RALYL: variants seen among roughly 807,000 people sequenced by gnomAD.
RALYL encodes RALY RNA binding protein like, also known as RNA-binding Raly-like protein.
In RALYL, 29 loss-of-function variants were observed where a neutral mutation model predicts 35.1. That is an observed-to-expected ratio of 0.83 (90% CI 0.61 to 1.13). The LOEUF is 1.13. RALYL is among the 50% of genes most tolerant of loss of function. The pLI, the probability that RALYL is intolerant of heterozygous loss-of-function variation, is 0.00. For synonymous variants in RALYL, 120 were observed against 127.6 expected, an observed-to-expected ratio of 0.94 and a Z score of 0.40; for missense variants, 359 against 360.4, an observed-to-expected ratio of 1.00 and a Z score of 0.03.
intron 1 of RALYL, among the ~76,000 whole-genome samples, chr8:84,364,097 A>G (rs561495812): frequency 1.3e-5 from 2 of 152,288 alleles, no homozygotes; most frequent in Admixed American, 1.3e-4. Flanking sequence ...GGCCAGACAT[A>G]AACCACAAAT....
chr8:84,216,556 G>A (rs543041915), intron 1 of RALYL, among the ~76,000 whole-genome samples: 23 of 152,068 alleles, frequency 1.5e-4, no homozygotes, highest in East Asian at 3.9e-4. Flanking sequence ...TTTTGTGTGC[G>A]TGTGGCAAGA....
intron 1 of RALYL, among the ~76,000 whole-genome samples, chr8:84,286,675 A>G (rs917876968): frequency 2.6e-5 from 4 of 152,208 alleles, no homozygotes; most frequent in Non-Finnish European, 4.4e-5. Flanking sequence ...ATGATCTAGA[A>G]AGGTGGGACA....
At chr8:84,705,223 C>T (rs150520916) in intron 2 of RALYL, among the ~76,000 whole-genome samples, 1 of 152,248 alleles carries the variant, frequency 6.6e-6, no homozygotes, top group East Asian at 1.9e-4. Flanking sequence ...ACTTGAGTGA[C>T]AGTGTGAAAC....
At chr8:84,767,264 G>C (rs1474551542) in intron 2 of RALYL, among the ~76,000 whole-genome samples, 3 of 152,084 alleles carry the variant, frequency 2.0e-5, no homozygotes, top group African/African-American at 7.2e-5. Context: ...ACTTTTTTCA[G>C]TTCCATAAGT....
intron 1 of RALYL, among the ~76,000 whole-genome samples, chr8:84,348,138 T>G (rs1316014832): frequency 6.6e-6 from 1 of 152,096 alleles, no homozygotes; most frequent in African/African-American, 2.4e-5. Context: ...AATATACTAT[T>G]AAGTTAGATT....
chr8:84,599,181 G>T (rs1336817295), intron 2 of RALYL, among the ~76,000 whole-genome samples: 2 of 152,026 alleles, frequency 1.3e-5, no homozygotes, highest in East Asian at 3.9e-4. Context: ...AAACAACTCT[G>T]CTTGCCATTC....
chr8:84,389,771 C>A (rs1000538090), intron 1 of RALYL, among the ~76,000 whole-genome samples: 1 of 149,928 alleles, frequency 6.7e-6, no homozygotes. Context: ...TCTAGATATA[C>A]AATCATGTCG....
chr8:84,500,775 T>C (rs1431732091), intron 1 of RALYL, among the ~76,000 whole-genome samples: 2 of 152,190 alleles, frequency 1.3e-5, no homozygotes. Flanking sequence ...CTGGGTGTTC[T>C]GGCAGGGTGG....
chr8:84,294,448 T>C (rs73304885), intron 1 of RALYL, among the ~76,000 whole-genome samples: 7,201 of 152,232 alleles, frequency 0.047, 266 homozygotes, highest in African/African-American at 0.083. Flanking sequence ...TAGTAGTATC[T>C]AAAACTCAGC....
intron 1 of RALYL, among the ~76,000 whole-genome samples, chr8:84,404,965 T>TA (rs1257636047): frequency 6.6e-6 from 1 of 152,114 alleles, no homozygotes; most frequent in African/African-American, 2.4e-5. Flanking sequence ...TAATTGGAAA[T>TA]AAAACATTCT....
chr8:84,188,860 C>G, intron 1 of RALYL, among the ~76,000 whole-genome samples: 1 of 151,966 alleles, frequency 6.6e-6, no homozygotes, highest in East Asian at 1.9e-4. Flanking sequence ...AAATATCAAA[C>G]TTACCTTGTG....
chr8:84,625,108 G>A (rs1822442045), intron 2 of RALYL, among the ~76,000 whole-genome samples: 1 of 152,114 alleles, frequency 6.6e-6, no homozygotes, highest in Admixed American at 6.6e-5. Flanking sequence ...GTAAAATTAT[G>A]TTGAAAAGAA....
chr8:84,684,422 G>A (rs972337811), intron 2 of RALYL, among the ~76,000 whole-genome samples: 1 of 152,148 alleles, frequency 6.6e-6, no homozygotes, highest in African/African-American at 2.4e-5. Context: ...AGGAGACTCA[G>A]TGGGAATTAT....
rs550055237 is a variant in RALYL, at chr8:84,399,313, T to A, written c.-23-129986T>A. Among the ~76,000 whole-genome samples the A allele has an allele frequency of 5.3e-5, 8 of 152,362 alleles. No individual in the cohort carries two copies. In the South Asian group the frequency reaches 1.7e-3, roughly 32 times the overall value. ...ATAGTTTCTGTTAGTGCCCCCATTT[T>A]ATAGCTAGACAGTTACATGGAGAGC... is the stretch of plus-strand genomic sequence containing the variant. On this transcript the variant is annotated intron_variant, in intron 1 of 8. Transcript: ENST00000521268.
rs572557133 is a variant in RALYL at position 84,920,231 on chromosome 8, G to A, written c.859-663G>A. ...ATTTTTTATCTAAATATAAAGACCT[G>A]GAACTTGATAGGATTCTAAGATAAA... On this transcript the variant is annotated intron_variant, in intron 8 of 8. Transcript: ENST00000521268. Among the ~76,000 whole-genome samples the A allele has an allele frequency of 5.9e-5, 9 of 152,082 alleles. No homozygotes were observed. The East Asian group carries it at 1.5e-3, about 26-fold the overall frequency.
chr8:84,338,734 C>G (rs1353108601), intron 1 of RALYL, among the ~76,000 whole-genome samples: 2 of 151,996 alleles, frequency 1.3e-5, no homozygotes, highest in Admixed American at 1.3e-4. Flanking sequence ...AGTTCTGATA[C>G]TAACACATTG....
At chr8:84,617,923 T>G (rs1820219277) in intron 2 of RALYL, among the ~76,000 whole-genome samples, 1 of 151,816 alleles carries the variant, frequency 6.6e-6, no homozygotes, top group Non-Finnish European at 1.5e-5. Flanking sequence ...TGAACCAGCC[T>G]TGCATCCCAG....
At chr8:84,650,435 A>G (rs188284184) in intron 2 of RALYL, among the ~76,000 whole-genome samples, 1 of 152,132 alleles carries the variant, frequency 6.6e-6, no homozygotes, top group Non-Finnish European at 1.5e-5. Context: ...ACTTCTCAAA[A>G]GAAGACATTT....
chr8:84,822,056 CT>C (rs1250751113), intron 4 of RALYL, among the ~76,000 whole-genome samples: 5 of 152,120 alleles, frequency 3.3e-5, no homozygotes, highest in Non-Finnish European at 7.4e-5. Context: ...CAGTTTCCCC[CT>C]AGCTTCAATT....
Sources: gnomAD v4.1 joint callset for allele counts (sites outside exome capture counted in the v4.1 genomes callset) on GRCh38, gnomAD v4.1.1 for gene constraint, MANE v1.5 for transcripts, NCBI Gene and HGNC (gene_info 2026-07-23, HGNC 2026-07-21) for gene names.